CNTNAP2: variants seen among roughly 807,000 people sequenced by gnomAD.
The protein encoded by CNTNAP2 is contactin associated protein 2, also known as contactin-associated protein-like 2.
CNTNAP2 carries 98 observed loss-of-function variants against 155.2 expected under a neutral mutation model. That is an observed-to-expected ratio of 0.63 (90% confidence interval 0.54 to 0.75). The LOEUF is 0.75. CNTNAP2 is among the 30% of genes least tolerant of loss of function. CNTNAP2 has a pLI of 0.00. For missense variants in CNTNAP2, 1,727 were observed against 1,688.1 expected (o/e 1.02, Z -0.40); for synonymous variants, 651 against 631.2 (o/e 1.03, Z -0.47).
intron 1 of CNTNAP2, among the ~76,000 whole-genome samples, chr7:146,757,636 A>G (rs916849163): frequency 6.6e-6 from 1 of 152,196 alleles, no homozygotes; most frequent in African/African-American, 2.4e-5. Context: ...AAGAGAGTTG[A>G]CAACTAAATG....
chr7:148,235,814 T>C (rs982172215), intron 20 of CNTNAP2, among the ~76,000 whole-genome samples: 8 of 150,960 alleles, frequency 5.3e-5, no homozygotes, highest in Admixed American at 4.0e-4. Flanking sequence ...GTCTCCCAAG[T>C]AGCTGGGAGT....
At chr7:147,623,466 G>A (rs189653139) in intron 12 of CNTNAP2, among the ~76,000 whole-genome samples, 2 of 151,884 alleles carry the variant, frequency 1.3e-5, no homozygotes, top group Admixed American at 6.6e-5. Context: ...CTAACAATGA[G>A]CAATCTGAAA....
At chr7:147,448,490 A>G (rs902831734) in intron 10 of CNTNAP2, among the ~76,000 whole-genome samples, 5 of 150,284 alleles carry the variant, frequency 3.3e-5, no homozygotes, top group African/African-American at 9.7e-5. Context: ...GTGTGTATAT[A>G]TATATATATA....
chr7:146,329,315 C>T (rs145400071), intron 1 of CNTNAP2, among the ~76,000 whole-genome samples: 2 of 152,196 alleles, frequency 1.3e-5, no homozygotes, highest in East Asian at 3.9e-4. Context: ...TATCATGTTC[C>T]AAACAAAAAA....
At chr7:147,465,708 G>T (rs1798108872) in intron 10 of CNTNAP2, among the ~76,000 whole-genome samples, 2 of 152,204 alleles carry the variant, frequency 1.3e-5, no homozygotes, top group South Asian at 4.2e-4. Context: ...TTAAAATCTT[G>T]GTCCACGTGT....
At chr7:146,978,434 C>T (rs1212971394) in intron 3 of CNTNAP2, among the ~76,000 whole-genome samples, 3 of 152,144 alleles carry the variant, frequency 2.0e-5, no homozygotes, top group Non-Finnish European at 2.9e-5. Flanking sequence ...AGAAAAATGA[C>T]ATTTCCAGGA....
chr7:147,236,983 A>T (rs1803820034), intron 8 of CNTNAP2, among the ~76,000 whole-genome samples: 1 of 148,162 alleles, frequency 6.7e-6, no homozygotes, highest in Non-Finnish European at 1.5e-5. Flanking sequence ...AAACATGATG[A>T]CTTAATCTTT....
At chr7:147,309,820 T>A (rs1795090500) in intron 9 of CNTNAP2, among the ~76,000 whole-genome samples, 1 of 152,152 alleles carries the variant, frequency 6.6e-6, no homozygotes, top group Admixed American at 6.6e-5. Flanking sequence ...GATGTACAGA[T>A]TATTTCATCA....
intron 1 of CNTNAP2, among the ~76,000 whole-genome samples, chr7:146,728,258 G>A (rs1038931728): frequency 5.3e-5 from 8 of 152,124 alleles, no homozygotes; most frequent in African/African-American, 1.9e-4. Context: ...TGAAGAAGAA[G>A]ATAAGAGTGG....
rs1431965572 is a variant in CNTNAP2 at position 147,121,190 on chromosome 7, A to C, written c.939+27A>C. On this transcript the variant is annotated intron_variant, in intron 6 of 23. Coordinates refer to ENST00000361727, the MANE Select transcript of CNTNAP2 (RefSeq NM_014141.6). ...TACATGTGATGACGTAGAAATTGTA[A>C]TAAAATGTCAAGCAATTGTGTCACT... 1.9e-6 allele frequency: 3 copies of C among 1,608,200 alleles called. No individual in the cohort carries two copies. The Admixed American group carries it at 5.0e-5, about 27-fold the overall frequency.
chr7:148,118,364 A>G (rs1012674754), intron 16 of CNTNAP2, 76 bp downstream of exon 16: 1 of 1,486,708 alleles, frequency 6.7e-7, no homozygotes, highest in African/African-American at 1.4e-5. Context: ...TGATTGTGGA[A>G]GGCCTTTTGA....
chr7:147,227,877 G>A (rs1483929791), intron 8 of CNTNAP2, among the ~76,000 whole-genome samples: 1 of 152,132 alleles, frequency 6.6e-6, no homozygotes, highest in African/African-American at 2.4e-5. Flanking sequence ...TTGAAGTTGT[G>A]AGACTGAAGG....
intron 1 of CNTNAP2, among the ~76,000 whole-genome samples, chr7:146,580,751 T>C (rs772122041): frequency 8.5e-5 from 13 of 152,108 alleles, no homozygotes; most frequent in South Asian, 6.2e-4. Context: ...GTGATAAATA[T>C]TATTAAAATG....
intron 1 of CNTNAP2, among the ~76,000 whole-genome samples, chr7:146,382,522 AC>A (rs1795404074): frequency 1.3e-5 from 2 of 152,230 alleles, no homozygotes; most frequent in South Asian, 4.1e-4. Context: ...CACCAAACTT[AC>A]TATTAATAAA....
chr7:147,667,130 A>T (rs1584888352), intron 13 of CNTNAP2, among the ~76,000 whole-genome samples: 1 of 152,190 alleles, frequency 6.6e-6, no homozygotes, highest in East Asian at 1.9e-4. Context: ...GGTTTAAATG[A>T]TTCAAGAACT....
chr7:146,603,298 G>A (rs1798981860), intron 1 of CNTNAP2, among the ~76,000 whole-genome samples: 1 of 150,760 alleles, frequency 6.6e-6, no homozygotes, highest in African/African-American at 2.4e-5. Flanking sequence ...TGTAGTCCCA[G>A]CTACTCGAAA....
At chr7:147,284,924 G>A (rs183347045) in intron 8 of CNTNAP2, among the ~76,000 whole-genome samples, 1 of 152,012 alleles carries the variant, frequency 6.6e-6, no homozygotes, top group Non-Finnish European at 1.5e-5. Context: ...TAGGAGTCAT[G>A]TAGAAGAATA....
chr7:146,317,400 T>A (rs1272833697), intron 1 of CNTNAP2, among the ~76,000 whole-genome samples: 1 of 152,142 alleles, frequency 6.6e-6, no homozygotes, highest in Non-Finnish European at 1.5e-5. Context: ...GAGAAATAAA[T>A]CCCTCTTTTT....
intron 15 of CNTNAP2, among the ~76,000 whole-genome samples, chr7:147,980,255 C>T (rs1801498282): frequency 7.8e-6 from 1 of 128,042 alleles, no homozygotes; most frequent in Admixed American, 8.2e-5. Flanking sequence ...GTATTTCAGG[C>T]AGACTTTCTT....
Sources: gnomAD v4.1 joint callset for allele counts (sites outside exome capture counted in the v4.1 genomes callset) on GRCh38, gnomAD v4.1.1 for gene constraint, MANE v1.5 for transcripts, NCBI Gene and HGNC (gene_info 2026-07-23, HGNC 2026-07-21) for gene names.